LRRK2: variants seen among roughly 807,000 people sequenced by gnomAD.
LRRK2 encodes leucine rich repeat kinase 2.
LRRK2 carries 203 observed loss-of-function variants against 302.6 expected under a neutral mutation model. The observed-to-expected ratio is 0.67, with a 90% CI of 0.60 to 0.75. LRRK2 has a LOEUF of 0.75. Among genes scored for constraint, LRRK2 ranks in the 30% least tolerant of loss-of-function variants. The pLI is 0.00. For synonymous variants in LRRK2, 1,066 were observed against 1,031.9 expected, an observed-to-expected ratio of 1.03 and a Z score of -0.63; for missense variants, 2,830 against 2,951.0, an observed-to-expected ratio of 0.96 and a Z score of 0.95.
intron 41 of LRRK2, among the ~76,000 whole-genome samples, chr12:40,343,584 G>A (rs1023235394): frequency 5.5e-4 from 84 of 152,052 alleles, no homozygotes; most frequent in African/African-American, 1.8e-3. Context: ...TCCTTCATCC[G>A]TGGATCTTTT....
chr12:40,307,781 C>CTTTTTTTTTTT (rs201473630), intron 28 of LRRK2, among the ~76,000 whole-genome samples: 105 of 119,306 alleles, frequency 8.8e-4, no homozygotes, highest in Non-Finnish European at 1.1e-3. Context: ...CTTTTCTTTT[C>CTTTTTTTTTTT]TTTTTTTTTT....
chr12:40,248,765 G>C (rs376346650), intron 7 of LRRK2, among the ~76,000 whole-genome samples: 2 of 152,192 alleles, frequency 1.3e-5, no homozygotes, highest in East Asian at 3.8e-4. Flanking sequence ...CAGTGATTCA[G>C]TGACCGAACA....
At chr12:40,348,583 T>G in intron 43 of LRRK2, 74 bp downstream of exon 43, 2 of 912,998 alleles carry the variant, frequency 2.2e-6, no homozygotes. Flanking sequence ...AATCTTCAAA[T>G]ATATATACTT....
At chr12:40,328,528 A>T in intron 39 of LRRK2, 68 bp downstream of exon 39, 1 of 1,245,698 alleles carries the variant, frequency 8.0e-7, no homozygotes, top group Non-Finnish European at 1.1e-6. Context: ...CTTATTTTGC[A>T]TACAGTTGTG....
At chr12:40,292,026 G>A (rs542437178) in intron 20 of LRRK2, among the ~76,000 whole-genome samples, 17 of 151,902 alleles carry the variant, frequency 1.1e-4, no homozygotes, top group East Asian at 1.9e-4. Context: ...CATTTCTAGC[G>A]CAGATCTTCC....
chr12:40,354,383 T>G lies in LRRK2; in HGVS notation c.6661T>G (p.Ser2221Ala). ...AAGCTGGATTGTGTCTGGGACACAG[T>G]CTGGTACTCTCCTGGTCATCAATAC... ...KESWIVSGTQ[S>A]GTLLVINTED... The change falls in exon 45 of 51, where the codon TCT becomes GCT. Residue 2221 changes from serine (S) to alanine (A), a missense_variant. By Grantham distance (99) the Ser-to-Ala change is moderately conservative (BLOSUM62 1). Transcript: ENST00000298910. The G allele has an allele frequency of 6.2e-7, 1 of 1,614,112 alleles. No individual in the cohort carries two copies. Among genetic ancestry groups the G allele is most frequent in the Non-Finnish European group, 8.5e-7 (1 of 1,179,986 alleles).
chr12:40,282,527 G>A (rs577431349), intron 18 of LRRK2, among the ~76,000 whole-genome samples: 50 of 152,208 alleles, frequency 3.3e-4, no homozygotes, highest in Non-Finnish European at 2.1e-4. Flanking sequence ...TTTTTGCTGG[G>A]TGAAAAGTAG....
intron 49 of LRRK2, chr12:40,365,251 G>A (rs1248176957): frequency 1.8e-6 from 1 of 567,618 alleles, no homozygotes; most frequent in Non-Finnish European, 3.1e-6. Flanking sequence ...AGTCCCACAA[G>A]AGAAGCAGAT....
intron 22 of LRRK2, 57 bp from the exon 23 acceptor site, chr12:40,295,370 T>A: frequency 2.0e-6 from 3 of 1,530,224 alleles, no homozygotes; most frequent in Non-Finnish European, 2.7e-6. Context: ...AAACTTTTAC[T>A]ACATGAATTT....
At chr12:40,285,562 C>T (rs1470026987) in intron 19 of LRRK2, among the ~76,000 whole-genome samples, 3 of 151,856 alleles carry the variant, frequency 2.0e-5, no homozygotes, top group African/African-American at 7.2e-5. Context: ...ACTTTTTTGA[C>T]CTCACAATGT....
At chr12:40,272,906 A>G (rs777127256) in intron 14 of LRRK2, among the ~76,000 whole-genome samples, 7 of 152,160 alleles carry the variant, frequency 4.6e-5, no homozygotes, top group Non-Finnish European at 1.0e-4. Context: ...AAATAAAGGA[A>G]AAATGGTAGC....
chr12:40,333,941 G>A (rs1287206491), intron 39 of LRRK2, among the ~76,000 whole-genome samples: 2 of 152,066 alleles, frequency 1.3e-5, no homozygotes, highest in African/African-American at 4.8e-5. Context: ...GGGGAGACGA[G>A]AAGGTCTGGA....
intron 20 of LRRK2, among the ~76,000 whole-genome samples, chr12:40,293,119 T>A (rs1453883872): frequency 2.6e-5 from 4 of 152,030 alleles, no homozygotes; most frequent in African/African-American, 9.7e-5. Flanking sequence ...ATAAAAAAAA[T>A]TCAGAGAAAC....
chr12:40,251,670 T>C, intron 10 of LRRK2, 126 bp downstream of exon 10: 1 of 827,844 alleles, frequency 1.2e-6, no homozygotes, highest in Non-Finnish European at 1.9e-6. Context: ...GTTTTAGATG[T>C]TGCTGCAAAA....
chr12:40,318,307 C>T (rs549398874), intron 33 of LRRK2, among the ~76,000 whole-genome samples: 11 of 152,110 alleles, frequency 7.2e-5, no homozygotes, highest in African/African-American at 2.2e-4. Flanking sequence ...GAAACTTCCA[C>T]TATAAATAGT....
intron 16 of LRRK2, among the ~76,000 whole-genome samples, chr12:40,276,925 T>C (rs1415825017): frequency 6.6e-6 from 1 of 152,134 alleles, no homozygotes; most frequent in African/African-American, 2.4e-5. Context: ...CTCTGCCTCC[T>C]GGGCCCATCC....
chr12:40,359,524 T>G, intron 47 of LRRK2, 80 bp downstream of exon 47: 1 of 1,095,928 alleles, frequency 9.1e-7, no homozygotes, highest in Non-Finnish European at 1.3e-6. Flanking sequence ...ATACTGTTGA[T>G]AATTCATAAG....
At chr12:40,333,678 C>CT (rs916311352) in intron 39 of LRRK2, among the ~76,000 whole-genome samples, 1 of 149,348 alleles carries the variant, frequency 6.7e-6, no homozygotes, top group African/African-American at 2.5e-5. Flanking sequence ...ATATCTCGGA[C>CT]TTTTTTTGAA....
At chr12:40,326,645 A>G (rs1336365250) in intron 38 of LRRK2, among the ~76,000 whole-genome samples, 1 of 151,948 alleles carries the variant, frequency 6.6e-6, no homozygotes, top group Non-Finnish European at 1.5e-5. Context: ...ATATGTTTCC[A>G]TCTCTCCGAC....
Sources: allele counts gnomAD v4.1 joint callset (sites outside exome capture counted in the v4.1 genomes callset), GRCh38; gene constraint gnomAD v4.1.1; transcripts MANE v1.5; gene names NCBI Gene and HGNC (gene_info 2026-07-23, HGNC 2026-07-21).